LTA: variants seen among roughly 807,000 people sequenced by gnomAD.
The protein encoded by LTA is lymphotoxin alpha, also known as lymphotoxin-alpha.
LTA carries 6 observed loss-of-function variants against 15.1 expected under a neutral mutation model. The ratio of observed to expected loss-of-function variants is 0.40; its 90% CI spans 0.22 to 0.78. The LOEUF (loss-of-function observed/expected upper bound fraction) is 0.78. Ranked by LOEUF, LTA falls within the 30% of genes least tolerant of loss-of-function variation. LTA has a pLI of 0.38. For missense variants in LTA, 173 were observed against 249.5 expected (o/e 0.69, Z 2.06); for synonymous variants, 87 against 107.3 (o/e 0.81, Z 1.17).
At chr6:31,567,623 T>TCC (rs1770638052), upstream of LTA, among the ~76,000 whole-genome samples, 1 of 143,262 alleles carries the variant, frequency 7.0e-6, no homozygotes, top group Non-Finnish European at 1.5e-5. Flanking sequence ...TCTCTCTCTC[T>TCC]CCCTCCCCCT....
the LTA span, among the ~76,000 whole-genome samples, chr6:31,565,991 A>C: frequency 6.6e-6 from 1 of 152,048 alleles, no homozygotes; most frequent in Admixed American, 6.6e-5. Context: ...CAGCCTGCCC[A>C]ACATGATGAA....
the LTA span, among the ~76,000 whole-genome samples, chr6:31,564,805 T>A: frequency 6.6e-6 from 1 of 150,738 alleles, no homozygotes; most frequent in Non-Finnish European, 1.5e-5. Context: ...TCCTAGCTAC[T>A]CAGGAGGCTG....
chr6:31,563,765 G>A, the LTA span, among the ~76,000 whole-genome samples: 3 of 152,128 alleles, frequency 2.0e-5, no homozygotes, highest in South Asian at 6.2e-4. Flanking sequence ...CCACCATCAC[G>A]CCCAGCTAAT....
chr6:31,567,567 GA>G (rs908052187), upstream of LTA, among the ~76,000 whole-genome samples: 4 of 133,072 alleles, frequency 3.0e-5, no homozygotes, highest in African/African-American at 1.2e-4. Flanking sequence ...CATGTCAAAA[GA>G]AAAAAAAATC....
Position 31,573,660 on chromosome 6 carries a change from T to C in LTA, c.585T>C (p.Pro195=), listed in dbSNP as rs767930881. Residue 195 remains proline (P), a synonymous_variant, in exon 4 of 4, where the codon CCT becomes CCC. Coordinates refer to ENST00000418386, the MANE Select transcript of LTA (RefSeq NM_000595.4). ...TDGIPHLVLS[P]STVFFGAFAL ...GCATCCCCCACCTAGTCCTCAGCCCTAGTACTGTCTTCTTTGGAGCCTTCG... is the reference window on the plus strand; with the variant it reads ...GCATCCCCCACCTAGTCCTCAGCCCCAGTACTGTCTTCTTTGGAGCCTTCG... 1.2e-6 allele frequency: 2 copies of C among 1,613,732 alleles called. No individual in the cohort carries two copies. The highest frequency in any genetic ancestry group is 2.2e-5 in the South Asian group (2 of 91,046).
rs1199987539 is a variant in LTA at position 31,574,275 on chromosome 6, G to A, written c.*582G>A. On this transcript the variant is annotated 3_prime_UTR_variant, in exon 4 of 4. Coordinates refer to ENST00000418386, the MANE Select transcript of LTA (RefSeq NM_000595.4). ...CCAGCTGCCGACCAGAGCCCCACAC[G>A]GAGGCATCTGCACCCTCGATGAAGC... The A allele has an allele frequency of 1.6e-5, 3 of 192,516 alleles. No individual in the cohort carries two copies. Among genetic ancestry groups the A allele is most frequent in the South Asian group, 7.9e-5 (1 of 12,584 alleles). The allele number at this position is 192,516 out of a possible 1,614,324, so 11.9% of individuals were successfully genotyped here.
At chr6:31,563,007 A>T in the LTA span, among the ~76,000 whole-genome samples, 1 of 152,040 alleles carries the variant, frequency 6.6e-6, no homozygotes, top group East Asian at 1.9e-4. Context: ...TAAAAATACA[A>T]AAATTAGCTG....
Position 31,573,391 on chromosome 6 carries a change from A to C in LTA, c.316A>C (p.Ile106Leu), listed in dbSNP as rs370300245. The C allele has an allele frequency of 6.2e-6, 10 of 1,613,938 alleles. No homozygotes were observed. Among genetic ancestry groups the C allele is most frequent in the Non-Finnish European group, 6.8e-6 (8 of 1,179,998 alleles). The change falls in exon 4 of 4, where the codon ATC becomes CTC. Residue 106 changes from isoleucine to leucine, a missense_variant. Transcript: ENST00000418386. Reference protein sequence around the residue: ...NNSLLVPTSGIYFVYSQVVFS... With the variant: ...NNSLLVPTSGLYFVYSQVVFS... ...TTCTCTCCTGGTCCCCACCAGTGGC[A>C]TCTACTTCGTCTACTCCCAGGTGGT...
In LTA at chr6:31,573,627, C is replaced by T; in HGVS notation, c.552C>T (p.His184=). ...QLTQGDQLST[H]TDGIPHLVLS... is the part of the protein sequence containing the mutation. ...CCCAGGGAGACCAGCTATCCACCCA[C>T]ACAGATGGCATCCCCCACCTAGTCC... The change falls in exon 4 of 4, where the codon CAC becomes CAT. Residue 184 remains histidine, a synonymous_variant. Coordinates refer to ENST00000418386, the MANE Select transcript of LTA (RefSeq NM_000595.4). 6.2e-7 allele frequency: 1 copy of T among 1,614,044 alleles called. No homozygotes were observed. Among genetic ancestry groups the T allele is most frequent in the Non-Finnish European group, 8.5e-7 (1 of 1,179,934 alleles).
Position 31,572,309 on chromosome 6 carries a change from C to T in LTA, c.-147C>T, listed in dbSNP as rs959912847. On this transcript the variant is annotated 5_prime_UTR_variant, in exon 1 of 4. Transcript: ENST00000418386. ...CAGGGGCTCCGCACAGCAGGTGAGG[C>T]TCTCCTGCCCCATCTCCTTGGGCTG... is the stretch of plus-strand genomic sequence containing the variant. 1 of 250,698 alleles carries T rather than the reference C, an allele frequency of 4.0e-6. No individual in the cohort carries two copies. The highest frequency in any genetic ancestry group is 2.3e-5 in the African/African-American group (1 of 44,322). 15.5% of individuals were successfully genotyped at this position (250,698 alleles called of 1,614,324 possible). A position where few individuals can be genotyped will look rare whatever the true frequency, so the allele number is the denominator to read the frequency against.
the LTA span, among the ~76,000 whole-genome samples, chr6:31,562,417 A>G: frequency 1.3e-5 from 2 of 152,154 alleles, no homozygotes; most frequent in Non-Finnish European, 2.9e-5. Flanking sequence ...TTCCTGAAAA[A>G]GTGGTTCGTT....
chr6:31,566,951 A>G, the LTA span, among the ~76,000 whole-genome samples: 1 of 151,634 alleles, frequency 6.6e-6, no homozygotes, highest in Non-Finnish European at 1.5e-5. Context: ...AAAAAAAAGA[A>G]AGAAAAAAAA....
chr6:31,565,595 C>T, the LTA span, among the ~76,000 whole-genome samples: 1 of 152,128 alleles, frequency 6.6e-6, no homozygotes, highest in Admixed American at 6.6e-5. Context: ...GTGTATCTGC[C>T]CAGTGGCATC....
the LTA span, among the ~76,000 whole-genome samples, chr6:31,565,215 C>G: frequency 6.6e-6 from 1 of 152,096 alleles, no homozygotes; most frequent in African/African-American, 2.4e-5. Context: ...AGCCAGGTTT[C>G]AAAATGCCCA....
chr6:31,569,508 G>A (rs557199481), upstream of LTA, among the ~76,000 whole-genome samples: 14 of 152,218 alleles, frequency 9.2e-5, no homozygotes, highest in East Asian at 2.7e-3. Flanking sequence ...AGAATGAGAA[G>A]AAGGTTGGGC....
rs1385681949 is a variant in LTA, at chr6:31,573,430, G to A, written c.355G>A (p.Ala119Thr). Residue 119 changes from alanine to threonine, a missense_variant, in exon 4 of 4, where the codon GCC becomes ACC. Coordinates refer to ENST00000418386, the MANE Select transcript of LTA (RefSeq NM_000595.4). The stretch of plus-strand genomic sequence containing the variant: ...CTCCCAGGTGGTCTTCTCTGGGAAA[G>A]CCTACTCTCCCAAGGCCACCTCCTC... Reference protein sequence around the residue: ...VYSQVVFSGKAYSPKATSSPL... With the variant: ...VYSQVVFSGKTYSPKATSSPL... The A allele has an allele frequency of 6.2e-7, 1 of 1,614,122 alleles. No homozygotes were observed. Among genetic ancestry groups the A allele is most frequent in the South Asian group, 1.1e-5 (1 of 91,086 alleles).
chr6:31,573,073 C>A, intron 3 of LTA, 40 bp downstream of exon 3: 1 of 1,523,220 alleles, frequency 6.6e-7, no homozygotes. Flanking sequence ...TCCCCACCAG[C>A]TCTCCTCCTA....
the LTA span, among the ~76,000 whole-genome samples, chr6:31,564,744 A>G: frequency 5.0e-5 from 1 of 19,894 alleles, no homozygotes; most frequent in Admixed American, 3.8e-4. Flanking sequence ...TATCTCTGGA[A>G]AAAAAAAAAA....
Position 31,572,617 on chromosome 6 carries a change from T to C in LTA, c.-9-117T>C. 4.5e-6 allele frequency: 3 copies of C among 674,152 alleles called. No homozygotes were observed. In the South Asian group the frequency reaches 5.0e-5, roughly 11 times the overall value. The allele number at this position is 674,152 out of a possible 1,614,324, so 41.8% of individuals were successfully genotyped here. On this transcript the variant is annotated intron_variant, in intron 1 of 3. Coordinates refer to ENST00000418386, the MANE Select transcript of LTA (RefSeq NM_000595.4). ...TCTCTGACTGCATCTTGTCCCCTTC[T>C]CTGTCGATCTCTCTCTCGGGGGTCG...
Sources: gnomAD v4.1 joint callset for allele counts (sites outside exome capture counted in the v4.1 genomes callset) on GRCh38, gnomAD v4.1.1 for gene constraint, MANE v1.5 for transcripts, NCBI Gene and HGNC (gene_info 2026-07-23, HGNC 2026-07-21) for gene names.